The following AVEN variants were observed in gnomAD, a reference collection of about 807,000 sequenced individuals.
AVEN encodes apoptosis and caspase activation inhibitor.
AVEN carries 41 observed loss-of-function variants against 38.1 expected under a neutral mutation model. That is an observed-to-expected ratio of 1.08 (90% CI 0.84 to 1.40). The LOEUF (loss-of-function observed/expected upper bound fraction) is 1.40. AVEN is among the 40% of genes most tolerant of loss of function. AVEN has a pLI of 0.00. For synonymous variants in AVEN, 206 were observed against 171.8 expected, an observed-to-expected ratio of 1.20 and a Z score of -1.56; for missense variants, 605 against 438.8, an observed-to-expected ratio of 1.38 and a Z score of -3.38.
At chr15:33,865,072 C>G, downstream of AVEN, 2 of 1,372,866 alleles carry the variant, frequency 1.5e-6, no homozygotes, top group South Asian at 1.2e-5. Context: ...CAAAAACAAA[C>G]TGGGTTTTAG....
intron 4 of AVEN, 23 bp from the exon 5 acceptor site, chr15:33,867,878 G>C (rs755246870): frequency 3.9e-6 from 6 of 1,535,170 alleles, no homozygotes; most frequent in Non-Finnish European, 5.2e-6. Flanking sequence ...TATAAAAACT[G>C]AGTTAAAAAT....
chr15:33,891,307 T>C (rs1486649711), intron 2 of AVEN, among the ~76,000 whole-genome samples: 1 of 152,198 alleles, frequency 6.6e-6, no homozygotes, highest in Admixed American at 6.5e-5. Flanking sequence ...TAGGTATACA[T>C]GTGCCATGTT....
intron 2 of AVEN, among the ~76,000 whole-genome samples, chr15:33,983,638 G>A (rs138243340): frequency 1.1e-4 from 16 of 152,156 alleles, no homozygotes; most frequent in African/African-American, 3.6e-4. Context: ...TTTAACACAT[G>A]CCCAGAAATT....
chr15:33,908,731 G>T (rs1305199409), intron 2 of AVEN, among the ~76,000 whole-genome samples: 1 of 152,014 alleles, frequency 6.6e-6, no homozygotes, highest in East Asian at 1.9e-4. Flanking sequence ...ATTTATCCAT[G>T]AATAAACACT....
At chr15:33,949,870 C>T (rs559010537) in intron 2 of AVEN, among the ~76,000 whole-genome samples, 6 of 152,224 alleles carry the variant, frequency 3.9e-5, no homozygotes, top group African/African-American at 1.4e-4. Context: ...TCTGGGTATA[C>T]GGCCAAAATG....
downstream of AVEN, chr15:33,865,617 C>T (rs1360413530): frequency 1.3e-5 from 2 of 153,696 alleles, no homozygotes; most frequent in African/African-American, 5.4e-5. Flanking sequence ...TGGTATCCAA[C>T]TTGTGACTCA....
intron 2 of AVEN, among the ~76,000 whole-genome samples, chr15:33,940,209 G>A (rs971944159): frequency 6.6e-6 from 1 of 152,196 alleles, no homozygotes; most frequent in African/African-American, 2.4e-5. Context: ...AACAGATGGG[G>A]AAAGTGTAAT....
At chr15:34,001,820 T>G (rs142308681) in intron 2 of AVEN, among the ~76,000 whole-genome samples, 1 of 152,196 alleles carries the variant, frequency 6.6e-6, no homozygotes, top group African/African-American at 2.4e-5. Flanking sequence ...TTGTTCTTAG[T>G]CTGGTGCCAG....
chr15:33,921,098 A>C (rs1893379999), intron 2 of AVEN, among the ~76,000 whole-genome samples: 1 of 152,172 alleles, frequency 6.6e-6, no homozygotes, highest in South Asian at 2.1e-4. Context: ...TCAATAGGTA[A>C]ATTTATGTGT....
intron 2 of AVEN, among the ~76,000 whole-genome samples, chr15:33,931,661 G>A (rs553598130): frequency 5.9e-5 from 9 of 152,140 alleles, no homozygotes; most frequent in South Asian, 2.1e-4. Context: ...GAGCCACCGC[G>A]CCCGGCCTGA....
At chr15:33,858,693 G>A (rs1205884617), downstream of AVEN, 2 of 137,942 alleles carry the variant, frequency 1.4e-5, no homozygotes, top group Non-Finnish European at 3.3e-5. Flanking sequence ...GGTGGGGAGG[G>A]GGAGTCCCGT....
intron 2 of AVEN, among the ~76,000 whole-genome samples, chr15:33,973,490 CA>C (rs1168906091): frequency 6.6e-6 from 1 of 152,196 alleles, no homozygotes; most frequent in Non-Finnish European, 1.5e-5. Flanking sequence ...AAGAGCTTCT[CA>C]TGCCTAGGAA....
upstream of AVEN, among the ~76,000 whole-genome samples, chr15:34,043,246 CAAAAAAAA>C (rs59481537): frequency 3.9e-3 from 440 of 112,408 alleles, 2 homozygotes; most frequent in African/African-American, 0.014. Context: ...GAATCCGTCT[CAAAAAAAA>C]AAAAAAGACT....
At chr15:33,977,232 C>G (rs910247522) in intron 2 of AVEN, among the ~76,000 whole-genome samples, 3 of 152,102 alleles carry the variant, frequency 2.0e-5, no homozygotes, top group African/African-American at 7.2e-5. Context: ...TTACATGAGA[C>G]AGGGAAGCTT....
intron 1 of AVEN, 95 bp from the exon 2 acceptor site, chr15:34,003,304 TA>T: frequency 1.0e-6 from 1 of 1,000,696 alleles, no homozygotes; most frequent in Non-Finnish European, 1.5e-6. Context: ...GACATAACAA[TA>T]AAAAGCAATA....
intron 2 of AVEN, among the ~76,000 whole-genome samples, chr15:33,967,521 C>G (rs1199115546): frequency 6.6e-6 from 1 of 151,838 alleles, no homozygotes; most frequent in Non-Finnish European, 1.5e-5. Context: ...ATTGTTGAAT[C>G]TTGGTAATGA....
chr15:33,894,389 T>A (rs1166916283), intron 2 of AVEN, among the ~76,000 whole-genome samples: 7 of 152,040 alleles, frequency 4.6e-5, no homozygotes, highest in African/African-American at 1.7e-4. Flanking sequence ...CAGGCCTTCA[T>A]TAGGATCTTA....
downstream of AVEN, chr15:33,864,110 AT>A: frequency 6.4e-7 from 1 of 1,569,258 alleles, no homozygotes; most frequent in Non-Finnish European, 8.8e-7. Context: ...TGACCAGAGT[AT>A]CTAATACTAT....
At chr15:33,862,455 C>T (rs981691559), downstream of AVEN, among the ~76,000 whole-genome samples, 15 of 152,174 alleles carry the variant, frequency 9.9e-5, no homozygotes, top group Non-Finnish European at 1.9e-4. Context: ...TATCCACCCA[C>T]CTTGGCCTCC....
Sources: gnomAD v4.1 joint callset for allele counts (sites outside exome capture counted in the v4.1 genomes callset) on GRCh38, gnomAD v4.1.1 for gene constraint, MANE v1.5 for transcripts, NCBI Gene and HGNC (gene_info 2026-07-23, HGNC 2026-07-21) for gene names.